Variants in CACNA1C observed in about 807,000 individuals in gnomAD.
CACNA1C encodes the protein calcium voltage-gated channel subunit alpha1 C, also known as voltage-dependent L-type calcium channel subunit alpha-1C.
In CACNA1C, 30 loss-of-function variants were observed where a neutral mutation model predicts 229.0. The observed-to-expected ratio is 0.13, with a 90% CI of 0.10 to 0.18. CACNA1C has a LOEUF of 0.18. CACNA1C is among the 10% of genes least tolerant of loss of function. CACNA1C has a pLI of 1.00. For synonymous variants in CACNA1C, 1,114 were observed against 1,132.5 expected (o/e 0.98, Z 0.33); for missense variants, 1,658 against 2,845.0 (o/e 0.58, Z 9.49).
chr12:2,692,565 ACT>A lies in CACNA1C; in HGVS notation c.*1369_*1370del, dbSNP rs1197082719. On this transcript the variant is annotated 3_prime_UTR_variant, in exon 47 of 47. Transcript: ENST00000399655. ...TCTGCTTCTGAAACGGGAATCAGTA[ACT>A]CTTTGCATTTTCTGTCCCACAAGAT... 1.3e-5 allele frequency: 2 copies of A among 152,508 alleles called. No individual in the cohort carries two copies. Among genetic ancestry groups the A allele is most frequent in the African/African-American group, 4.8e-5 (2 of 41,408 alleles). The allele number at this position is 152,508 out of a possible 1,614,324, so 9.4% of individuals were successfully genotyped here. A position where few individuals can be genotyped will look rare whatever the true frequency, so the allele number is the denominator to read the frequency against.
chr12:2,133,488 A>T, intron 3 of CACNA1C, among the ~76,000 whole-genome samples: 1 of 15,752 alleles, frequency 6.3e-5, no homozygotes, highest in Non-Finnish European at 1.0e-4. Context: ...TGCATCCCAG[A>T]GATTCTGGTA....
intron 3 of CACNA1C, among the ~76,000 whole-genome samples, chr12:2,397,764 C>G (rs978839547): frequency 6.6e-6 from 1 of 152,260 alleles, no homozygotes; most frequent in Non-Finnish European, 1.5e-5. Flanking sequence ...GCTGGCTTCC[C>G]AAGCCATGAG....
chr12:2,410,230 G>A lies in CACNA1C; in HGVS notation c.478-38746G>A, dbSNP rs2098791756. Among the ~76,000 whole-genome samples the A allele has an allele frequency of 6.6e-6, 1 of 152,160 alleles. No homozygotes were observed. Among genetic ancestry groups the A allele is most frequent in the Admixed American group, 6.5e-5 (1 of 15,286 alleles). ...CTTGGCCAGTCGTGATGCCTATGGC[G>A]ACCGCAGAATCGACCTCAACGAGCT... On this transcript the variant is annotated intron_variant, in intron 3 of 46. Transcript: ENST00000399655. The surrounding 1 kb of genome is among the most constrained non-coding windows in gnomAD (Gnocchi z 5.3).
chr12:2,514,774 G>C (rs890982974), intron 9 of CACNA1C, among the ~76,000 whole-genome samples: 1 of 152,092 alleles, frequency 6.6e-6, no homozygotes, highest in Non-Finnish European at 1.5e-5. Flanking sequence ...ATAACAGAAC[G>C]TTGCTATTCT....
intron 3 of CACNA1C, among the ~76,000 whole-genome samples, chr12:2,274,231 G>A (rs192464854): frequency 1.1e-4 from 17 of 152,266 alleles, no homozygotes; most frequent in East Asian, 3.9e-4. Context: ...GGGCCCAGGC[G>A]TCCTCTCAGA....
chr12:2,433,321 G>C (rs1211378015), intron 3 of CACNA1C, among the ~76,000 whole-genome samples: 2 of 152,174 alleles, frequency 1.3e-5, no homozygotes, highest in African/African-American at 2.4e-5. Flanking sequence ...CCTCTTGTGG[G>C]GCCGCAGACC....
At chr12:2,523,872 A>G (rs928690725) in intron 9 of CACNA1C, among the ~76,000 whole-genome samples, 1 of 152,134 alleles carries the variant, frequency 6.6e-6, no homozygotes, top group Non-Finnish European at 1.5e-5. Flanking sequence ...TGCCTACACT[A>G]CAGTTACCCT....
At chr12:2,262,442 G>A (rs915699831) in intron 3 of CACNA1C, among the ~76,000 whole-genome samples, 7 of 152,214 alleles carry the variant, frequency 4.6e-5, no homozygotes, top group African/African-American at 1.7e-4. Context: ...CCAATCAAAA[G>A]GCAGGCTCAG....
At chr12:2,543,114 C>T (rs10848673) in intron 9 of CACNA1C, among the ~76,000 whole-genome samples, 95,895 of 151,952 alleles carry the variant, frequency 0.63, 32,180 homozygotes, top group Non-Finnish European at 0.74. Context: ...CTGGATAGCC[C>T]AGAGAAACAC....
intron 3 of CACNA1C, among the ~76,000 whole-genome samples, chr12:2,351,868 C>A (rs1010017715): frequency 3.3e-5 from 5 of 152,140 alleles, no homozygotes; most frequent in African/African-American, 9.7e-5. Flanking sequence ...TGGAAATTAC[C>A]CAACAAGGAG....
intron 8 of CACNA1C, among the ~76,000 whole-genome samples, chr12:2,510,844 AT>A (rs1176210142): frequency 6.6e-6 from 1 of 152,204 alleles, no homozygotes; most frequent in Admixed American, 6.5e-5. Context: ...TTTGGAGTTG[AT>A]TTGCATAGGG....
chr12:1,992,205 G>A (rs1178427447), intron 1 of CACNA1C: 1 of 159,438 alleles, frequency 6.3e-6, no homozygotes, highest in Non-Finnish European at 1.4e-5. Flanking sequence ...CCTGCCATTA[G>A]TAAGTCATAT....
intron 9 of CACNA1C, among the ~76,000 whole-genome samples, chr12:2,538,122 T>C (rs2099860319): frequency 6.6e-6 from 1 of 152,196 alleles, no homozygotes; most frequent in African/African-American, 2.4e-5. Context: ...CTTTCTTCTT[T>C]GGATTATGGC....
At chr12:2,360,041 A>G (rs570591942) in intron 3 of CACNA1C, among the ~76,000 whole-genome samples, 2 of 152,160 alleles carry the variant, frequency 1.3e-5, no homozygotes, top group East Asian at 3.9e-4. Flanking sequence ...CAGCATCTCC[A>G]GGGACACGTA....
intron 3 of CACNA1C, among the ~76,000 whole-genome samples, chr12:2,140,836 C>T (rs1198231134): frequency 6.6e-6 from 1 of 151,392 alleles, no homozygotes; most frequent in African/African-American, 2.4e-5. Context: ...TTGATAAGAG[C>T]TTACGTTCTT....
At chr12:2,071,503 AT>A (rs2061332042) in intron 1 of CACNA1C, among the ~76,000 whole-genome samples, 1 of 152,098 alleles carries the variant, frequency 6.6e-6, no homozygotes. Context: ...GATTATAGGC[AT>A]GAGCTACTAC....
chr12:2,057,437 G>A (rs974354175), intron 1 of CACNA1C, among the ~76,000 whole-genome samples: 2 of 152,246 alleles, frequency 1.3e-5, no homozygotes, highest in Admixed American at 6.5e-5. Context: ...TTCAGGGTCC[G>A]CCTGGTGATG....
intron 1 of CACNA1C, among the ~76,000 whole-genome samples, chr12:2,014,561 A>G (rs2045007174): frequency 6.6e-6 from 1 of 152,214 alleles, no homozygotes; most frequent in Non-Finnish European, 1.5e-5. Flanking sequence ...GAAAATGGAC[A>G]CATAAGCAGG....
chr12:2,210,856 TCTC>T lies in CACNA1C; in HGVS notation c.477+90430_477+90432del, dbSNP rs576640349. Reference sequence around the variant, plus strand: ...CAGATTGAAGCTAGGTGCAGTATCATCTCCTCTCTGGTAACTCCTTTCCAATTG... The same window carrying T: ...CAGATTGAAGCTAGGTGCAGTATCATCTCTCTGGTAACTCCTTTCCAATTG... On this transcript the variant is annotated intron_variant, in intron 3 of 46. Transcript: ENST00000399655. 1.9e-3 allele frequency among the ~76,000 whole-genome samples: 287 copies of T among 152,272 alleles called. 2 individuals carry two copies. The highest frequency in any genetic ancestry group is 6.5e-3 in the African/African-American group (269 of 41,546).
Sources: gnomAD v4.1 joint callset for allele counts (sites outside exome capture counted in the v4.1 genomes callset) on GRCh38, gnomAD v4.1.1 for gene constraint, Gnocchi (gnomAD v3.1) non-coding constraint, MANE v1.5 for transcripts, NCBI Gene and HGNC (gene_info 2026-07-23, HGNC 2026-07-21) for gene names.